The following AGBL4 variants were observed in gnomAD, a reference collection of about 807,000 sequenced individuals.
AGBL4 encodes the protein AGBL carboxypeptidase 4.
Under a neutral mutation model 66.4 loss-of-function variants are expected in AGBL4, and 58 were observed. That is an observed-to-expected ratio of 0.87 (90% CI 0.71 to 1.09). The LOEUF is 1.09. Among genes scored for constraint, AGBL4 ranks in the 50% least tolerant of loss-of-function variants. AGBL4 has a pLI of 0.00. For missense variants in AGBL4, 579 were observed against 631.0 expected (o/e 0.92, Z 0.88); for synonymous variants, 234 against 222.9 (o/e 1.05, Z -0.44).
At chr1:49,165,906 C>T (rs1389792903) in intron 4 of AGBL4, among the ~76,000 whole-genome samples, 1 of 151,796 alleles carries the variant, frequency 6.6e-6, no homozygotes, top group Non-Finnish European at 1.5e-5. Flanking sequence ...TCTATCCACC[C>T]ATGAATTTAT....
At chr1:49,504,830 C>A (rs1648528643) in intron 3 of AGBL4, among the ~76,000 whole-genome samples, 1 of 151,896 alleles carries the variant, frequency 6.6e-6, no homozygotes, top group Non-Finnish European at 1.5e-5. Flanking sequence ...AGAATCTAAT[C>A]CATTTACATT....
At chr1:48,666,215 G>A (rs1222515911) in intron 6 of AGBL4, among the ~76,000 whole-genome samples, 3 of 152,070 alleles carry the variant, frequency 2.0e-5, no homozygotes, top group Admixed American at 6.5e-5. Context: ...CAGCTCTGAG[G>A]TGGTGACTAC....
chr1:49,005,296 C>T (rs1007652053), intron 5 of AGBL4, among the ~76,000 whole-genome samples: 10 of 152,166 alleles, frequency 6.6e-5, no homozygotes, highest in Non-Finnish European at 1.0e-4. Flanking sequence ...GGTTTCAGTT[C>T]CCCACAGTCC....
chr1:49,604,192 G>A (rs913680214), intron 3 of AGBL4, among the ~76,000 whole-genome samples: 9 of 152,132 alleles, frequency 5.9e-5, no homozygotes, highest in African/African-American at 1.4e-4. Flanking sequence ...CACTCCCACC[G>A]GGAGTGTATA....
chr1:49,815,100 A>G (rs531244369), intron 2 of AGBL4, among the ~76,000 whole-genome samples: 1 of 152,262 alleles, frequency 6.6e-6, no homozygotes, highest in African/African-American at 2.4e-5. Flanking sequence ...TGCGCTATCA[A>G]GTACTAGGTC....
At chr1:48,921,750 C>T (rs943942160) in intron 5 of AGBL4, among the ~76,000 whole-genome samples, 5 of 152,176 alleles carry the variant, frequency 3.3e-5, no homozygotes, top group African/African-American at 9.6e-5. Flanking sequence ...TTTCCCATGT[C>T]GTGCAGCTTA....
At chr1:49,070,582 C>T (rs1046664232) in intron 4 of AGBL4, among the ~76,000 whole-genome samples, 19 of 152,010 alleles carry the variant, frequency 1.2e-4, no homozygotes, top group African/African-American at 3.4e-4. Flanking sequence ...GGGATGAAAC[C>T]GACTTGATTG....
chr1:48,616,920 T>G (rs758612320), intron 9 of AGBL4, among the ~76,000 whole-genome samples: 1 of 152,232 alleles, frequency 6.6e-6, no homozygotes, highest in African/African-American at 2.4e-5. Context: ...AACGGCTGGT[T>G]TCTTTTCTGC....
chr1:49,698,028 G>A (rs917810448), intron 2 of AGBL4, among the ~76,000 whole-genome samples: 1 of 152,060 alleles, frequency 6.6e-6, no homozygotes, highest in Non-Finnish European at 1.5e-5. Flanking sequence ...TCCAACAACA[G>A]AACTAACAGT....
At chr1:48,778,624 T>G (rs1006618448) in intron 6 of AGBL4, among the ~76,000 whole-genome samples, 1 of 152,212 alleles carries the variant, frequency 6.6e-6, no homozygotes, top group African/African-American at 2.4e-5. Context: ...TTCTTAGTAG[T>G]GGTAGATGAT....
At chr1:49,939,842 T>C (rs970077044) in intron 1 of AGBL4, among the ~76,000 whole-genome samples, 5 of 152,068 alleles carry the variant, frequency 3.3e-5, no homozygotes, top group African/African-American at 1.2e-4. Context: ...AAAGCCAAAA[T>C]TGACAAATGG....
intron 3 of AGBL4, among the ~76,000 whole-genome samples, chr1:49,641,785 T>C (rs1054691775): frequency 1.3e-5 from 2 of 152,068 alleles, no homozygotes; most frequent in Non-Finnish European, 2.9e-5. Context: ...GCTGTACTTA[T>C]TGTTACCATT....
rs994826762 is a variant in AGBL4 at position 48,534,357 on chromosome 1, T to C, written c.1392-64A>G. On this transcript the variant is annotated intron_variant, in intron 13 of 13. Coordinates refer to ENST00000371839, the MANE Select transcript of AGBL4 (RefSeq NM_032785.4). ...CATATACACACTGTGATGAAATCAT[T>C]TGTGTGCATGTCTATCTTCCCCACT... is the stretch of plus-strand genomic sequence containing the variant. The C allele has an allele frequency of 4.0e-6, 6 of 1,491,246 alleles. No homozygotes were observed. In the East Asian group the frequency reaches 7.4e-5, roughly 18 times the overall value. 92.4% of individuals were successfully genotyped at this position (1,491,246 alleles called of 1,614,324 possible). A position where few individuals can be genotyped will look rare whatever the true frequency, so the allele number is the denominator to read the frequency against.
At chr1:48,992,532 G>A (rs967663070) in intron 5 of AGBL4, among the ~76,000 whole-genome samples, 13 of 151,982 alleles carry the variant, frequency 8.6e-5, no homozygotes, top group African/African-American at 1.2e-4. Flanking sequence ...ATCAGCAGGC[G>A]GCAAGGCCAG....
At chr1:48,895,592 A>G (rs1216165278) in intron 5 of AGBL4, among the ~76,000 whole-genome samples, 2 of 152,314 alleles carry the variant, frequency 1.3e-5, no homozygotes, top group African/African-American at 2.4e-5. Context: ...CAATCAAGCG[A>G]GTTGATTTTA....
At chr1:49,838,649 T>C (rs1645912564) in intron 2 of AGBL4, among the ~76,000 whole-genome samples, 1 of 152,180 alleles carries the variant, frequency 6.6e-6, no homozygotes, top group Non-Finnish European at 1.5e-5. Context: ...AATAAAAACA[T>C]AGATAACATT....
chr1:49,948,161 A>AATATATAAATATATATAACT (rs1557608672), intron 1 of AGBL4, among the ~76,000 whole-genome samples: 46 of 102,540 alleles, frequency 4.5e-4, no homozygotes, highest in African/African-American at 1.8e-3. Context: ...AATATACGTA[A>AATATATAAATATATATAACT]ATATATAAAT....
intron 3 of AGBL4, among the ~76,000 whole-genome samples, chr1:49,652,043 C>T (rs1646017463): frequency 6.6e-6 from 1 of 151,686 alleles, no homozygotes; most frequent in Non-Finnish European, 1.5e-5. Context: ...GAATTAATTC[C>T]AAAATATAGT....
At position 49,460,733 on chromosome 1, in the gene AGBL4, A is replaced by AT. The variant is rs1646493816; in HGVS notation, c.283-214870dup. Among the ~76,000 whole-genome samples, 3 of 151,502 alleles carry AT rather than the reference A, an allele frequency of 2.0e-5. No individual in the cohort carries two copies. In the South Asian group the frequency reaches 6.2e-4, roughly 32 times the overall value. On this transcript the variant is annotated intron_variant, in intron 3 of 13. Coordinates refer to ENST00000371839, the MANE Select transcript of AGBL4 (RefSeq NM_032785.4). Reference sequence around the variant, plus strand: ...CTTTAAGGAGGTTCTATTTTGGTGTATTTTGAGGATTTGTTTCAAGACTTA... The same window carrying AT: ...CTTTAAGGAGGTTCTATTTTGGTGTATTTTTGAGGATTTGTTTCAAGACTTA...
Sources: allele counts gnomAD v4.1 joint callset (sites outside exome capture counted in the v4.1 genomes callset), GRCh38; gene constraint gnomAD v4.1.1; transcripts MANE v1.5; gene names NCBI Gene and HGNC (gene_info 2026-07-23, HGNC 2026-07-21).